The following EIF4G3 variants were observed in gnomAD, a reference collection of about 807,000 sequenced individuals.
The protein encoded by EIF4G3 is eukaryotic translation initiation factor 4 gamma 3.
Under a neutral mutation model 186.4 loss-of-function variants are expected in EIF4G3, and 34 were observed. The ratio of observed to expected loss-of-function variants is 0.18; its 90% CI spans 0.14 to 0.24. EIF4G3 has a LOEUF of 0.24. Ranked by LOEUF, EIF4G3 falls within the 10% of genes least tolerant of loss-of-function variation. The pLI is 1.00. For synonymous variants in EIF4G3, 673 were observed against 679.5 expected, an observed-to-expected ratio of 0.99 and a Z score of 0.15; for missense variants, 1,536 against 1,948.5, an observed-to-expected ratio of 0.79 and a Z score of 3.99.
At chr1:21,037,745 G>C (rs1349996534) in intron 4 of EIF4G3, among the ~76,000 whole-genome samples, 1 of 152,126 alleles carries the variant, frequency 6.6e-6, no homozygotes, top group Non-Finnish European at 1.5e-5. Flanking sequence ...TCTGAAAATG[G>C]GGGCATCTTG....
chr1:20,824,959 C>T, intron 33 of EIF4G3, 141 bp downstream of exon 33: 1 of 512,004 alleles, frequency 2.0e-6, no homozygotes, highest in Non-Finnish European at 3.4e-6. Context: ...GCTTTAAAAG[C>T]ATGAACTTAA....
In EIF4G3 at chr1:20,879,379, T is replaced by G; in HGVS notation, c.2566A>C (p.Ile856Leu). The change falls in exon 20 of 37, where the codon ATT becomes CTT. Residue 856 changes from isoleucine (I) to leucine (L), a missense_variant. Ile to Leu is a conservative substitution (Grantham distance 5). Transcript: ENST00000602326. Reference sequence around the variant, plus strand: ...GCCACAGAGAAACTGGGTTCATCAATAGCCTTCTCAAAGACCAGGTCAATA... The same window carrying G: ...GCCACAGAGAAACTGGGTTCATCAAGAGCCTTCTCAAAGACCAGGTCAATA... ...GVIDLVFEKA[I>L]DEPSFSVAYA... 8 of 1,607,592 alleles carry G rather than the reference T, an allele frequency of 5.0e-6. No homozygotes were observed. The East Asian group carries it at 1.6e-4, about 32-fold the overall frequency.
chr1:21,019,168 A>T (rs529318544), intron 4 of EIF4G3, among the ~76,000 whole-genome samples: 130 of 152,324 alleles, frequency 8.5e-4, no homozygotes, highest in African/African-American at 2.9e-3. Context: ...GACTAGAGGC[A>T]CGAGTCACCA....
chr1:20,994,318 C>G (rs901680462), intron 7 of EIF4G3, among the ~76,000 whole-genome samples: 8 of 152,154 alleles, frequency 5.3e-5, no homozygotes, highest in Admixed American at 1.3e-4. Context: ...GTTCAGTTAG[C>G]CCTGCTCAGC....
intron 13 of EIF4G3, among the ~76,000 whole-genome samples, chr1:20,945,916 CTG>C (rs1337431641): frequency 6.6e-6 from 1 of 152,182 alleles, no homozygotes; most frequent in African/African-American, 2.4e-5. Context: ...AATAATGGCT[CTG>C]AGTAATCAGA....
At chr1:21,019,319 T>C (rs2090078357) in intron 4 of EIF4G3, among the ~76,000 whole-genome samples, 1 of 152,280 alleles carries the variant, frequency 6.6e-6, no homozygotes, top group African/African-American at 2.4e-5. Flanking sequence ...TTTGCACGTA[T>C]ATTTGTAAAT....
intron 3 of EIF4G3, among the ~76,000 whole-genome samples, chr1:21,061,809 G>A (rs1455545145): frequency 1.3e-4 from 19 of 149,254 alleles, no homozygotes; most frequent in African/African-American, 4.5e-4. Flanking sequence ...GTACAGTGGC[G>A]CGATCTCGGC....
At chr1:20,859,844 C>T (rs925209082) in intron 24 of EIF4G3, among the ~76,000 whole-genome samples, 2 of 152,216 alleles carry the variant, frequency 1.3e-5, no homozygotes, top group African/African-American at 4.8e-5. Context: ...CCACCCACCT[C>T]AGCCTCCCGA....
intron 2 of EIF4G3, among the ~76,000 whole-genome samples, chr1:21,095,878 TAC>T (rs1379616079): frequency 2.0e-5 from 3 of 151,730 alleles, no homozygotes; most frequent in Non-Finnish European, 4.4e-5. Context: ...AAGATAAAAA[TAC>T]ACATACACAT....
At chr1:20,893,032 C>T (rs776039361) in intron 18 of EIF4G3, 2 of 298,468 alleles carry the variant, frequency 6.7e-6, no homozygotes, top group Non-Finnish European at 1.2e-5. Flanking sequence ...CTCAGTCTCC[C>T]GAGTAGCTGG....
chr1:20,999,483 T>G (rs1007113695), intron 6 of EIF4G3: 1 of 319,998 alleles, frequency 3.1e-6, no homozygotes, highest in African/African-American at 2.2e-5. Flanking sequence ...AACCTGAGTA[T>G]GGCAGTACCT....
intron 3 of EIF4G3, among the ~76,000 whole-genome samples, chr1:21,065,397 CAAAAAAAAA>C (rs3081969): frequency 8.1e-6 from 1 of 124,084 alleles, no homozygotes; most frequent in African/African-American, 3.2e-5. Flanking sequence ...TTGTTTCTAC[CAAAAAAAAA>C]AAAAAAAAAA....
rs71014156 is a variant in EIF4G3 at position 21,117,736 on chromosome 1, T to TAAAAAAAAAAAAAAAAAAAAA, written c.-271-28544_-271-28524dup. On this transcript the variant is annotated intron_variant, in intron 2 of 36. Coordinates refer to ENST00000602326, the MANE Select transcript of EIF4G3 (RefSeq NM_001391906.1). ...GGCCTTTCACTGTCCCAGTATATAG[T>TAAAAAAAAAAAAAAAAAAAAA]AAAAAAAAAAAAAAAAAAAAAAAAA... is the stretch of plus-strand genomic sequence containing the variant. Among the ~76,000 whole-genome samples the TAAAAAAAAAAAAAAAAAAAAA allele has an allele frequency of 1.8e-3, 130 of 73,058 alleles. 3 individuals are homozygous for TAAAAAAAAAAAAAAAAAAAAA. The highest frequency in any genetic ancestry group is 4.0e-3 in the East Asian group (7 of 1,750). The allele number at this position is 73,058 out of a possible 152,430, so 47.9% of individuals were successfully genotyped here.
chr1:20,997,602 T>A lies in EIF4G3; in HGVS notation c.176A>T (p.Gln59Leu), dbSNP rs759484264. 84 of 1,548,860 alleles carry A rather than the reference T, an allele frequency of 5.4e-5. No homozygotes were observed. Among genetic ancestry groups the A allele is most frequent in the Non-Finnish European group, 7.1e-5 (81 of 1,146,290 alleles). ...FAAGPRPPHH[Q>L]GGFRPIQFFQ... ...AGTGAAGGGGCAAGGGTACAGTACC[T>A]GATGATGGGGAGGTCGAGGCCCCGC... is the stretch of plus-strand genomic sequence containing the variant. Residue 59 changes from glutamine to leucine, a missense_variant and splice_region_variant, in exon 7 of 37, where the codon CAG (glutamine) becomes CTG (leucine). Around this residue, in one of 11 missense-constraint regions of EIF4G3, gnomAD observed 194 missense variants for 212.8 expected, o/e 0.91. Coordinates refer to ENST00000602326, the MANE Select transcript of EIF4G3 (RefSeq NM_001391906.1).
intron 2 of EIF4G3, among the ~76,000 whole-genome samples, chr1:21,119,275 A>C (rs911042657): frequency 6.6e-6 from 1 of 152,128 alleles, no homozygotes; most frequent in African/African-American, 2.4e-5. Context: ...GATTTGAAAG[A>C]GCCCTGGGAG....
At chr1:21,048,222 A>G (rs896109815) in intron 4 of EIF4G3, among the ~76,000 whole-genome samples, 1 of 152,208 alleles carries the variant, frequency 6.6e-6, no homozygotes, top group African/African-American at 2.4e-5. Flanking sequence ...CCTTTGGGCC[A>G]ACTGCTTGGG....
intron 16 of EIF4G3, 88 bp downstream of exon 16, chr1:20,899,609 T>C: frequency 1.4e-6 from 2 of 1,474,802 alleles, no homozygotes; most frequent in Middle Eastern, 1.8e-4. Context: ...CTTTCTTCCA[T>C]CCAGTATCTC....
intron 4 of EIF4G3, among the ~76,000 whole-genome samples, chr1:21,012,380 T>C (rs2087402433): frequency 6.6e-6 from 1 of 152,120 alleles, no homozygotes. Context: ...AATAAAATGC[T>C]TGAAATAAGA....
intron 14 of EIF4G3, among the ~76,000 whole-genome samples, chr1:20,918,751 G>A (rs958421560): frequency 9.5e-6 from 1 of 105,716 alleles, no homozygotes; most frequent in African/African-American, 3.9e-5. Context: ...TCACTATGTT[G>A]CCCAGGCTGG....
Sources: gnomAD v4.1 joint callset for allele counts (sites outside exome capture counted in the v4.1 genomes callset) on GRCh38, gnomAD v4.1.1 for gene constraint, gnomAD v4.1.1 regional missense constraint, MANE v1.5 for transcripts, NCBI Gene and HGNC (gene_info 2026-07-23, HGNC 2026-07-21) for gene names.